RPRD2: variants seen among roughly 807,000 people sequenced by gnomAD.
RPRD2 encodes regulation of nuclear pre-mRNA domain containing 2, also known as regulation of nuclear pre-mRNA domain-containing protein 2.
A neutral mutation model predicts 104.4 loss-of-function variants in RPRD2; 12 were observed. That is an observed-to-expected ratio of 0.11 (90% CI 0.07 to 0.19). RPRD2 has a LOEUF of 0.19. RPRD2 is among the 10% of genes least tolerant of loss of function. RPRD2 has a pLI of 1.00. For synonymous variants in RPRD2, 714 were observed against 684.9 expected (o/e 1.04, Z -0.66); for missense variants, 1,543 against 1,790.1 (o/e 0.86, Z 2.49).
intron 2 of RPRD2, among the ~76,000 whole-genome samples, chr1:150,439,506 A>G (rs1216626495): frequency 6.6e-6 from 1 of 152,200 alleles, no homozygotes; most frequent in Non-Finnish European, 1.5e-5. Context: ...GTAAGGTTTA[A>G]TACAATTTTC....
chr1:150,429,803 A>G (rs1488665197), intron 2 of RPRD2, among the ~76,000 whole-genome samples: 1 of 152,218 alleles, frequency 6.6e-6, no homozygotes, highest in Non-Finnish European at 1.5e-5. Flanking sequence ...CAGAATAGTC[A>G]ACCATCTATT....
chr1:150,471,866 C>G lies in RPRD2; in HGVS notation c.2918C>G (p.Ser973Cys). The G allele has an allele frequency of 1.9e-6, 3 of 1,613,992 alleles. No individual in the cohort carries two copies. Among genetic ancestry groups the G allele is most frequent in the Non-Finnish European group, 2.5e-6 (3 of 1,179,890 alleles). Residue 973 changes from serine (S) to cysteine (C), a missense_variant, in exon 11 of 11, where the codon TCC becomes TGC. By Grantham distance (112) the Ser-to-Cys change is moderately radical. This residue lies in a region of RPRD2 where 880 missense variants were observed against 885.6 expected (regional missense o/e 0.99). Coordinates refer to ENST00000369068, the MANE Select transcript of RPRD2 (RefSeq NM_015203.5). The surrounding 1 kb of genome is among the most constrained non-coding windows in gnomAD (Gnocchi z 5.3). ...PDSPHPVPHR[S>C]LFSPQNTLAA... ...TCTCCTCACCCAGTCCCACATCGTT[C>G]CCTTTTCTCTCCGCAGAACACCCTT...
In RPRD2 at chr1:150,473,313, A is replaced by G. The variant is rs370331410; in HGVS notation, c.4365A>G (p.Pro1455=). 15 of 1,611,936 alleles carry G rather than the reference A, an allele frequency of 9.3e-6. No individual in the cohort carries two copies. Among genetic ancestry groups the G allele is most frequent in the Non-Finnish European group, 1.3e-5 (15 of 1,179,036 alleles). ...RGPPFFAPKR[P]FFPPRY ...CTCCGTTCTTTGCACCAAAACGCCCATTCTTCCCTCCCAGGTACTGATGGA... is the reference window on the plus strand; with the variant it reads ...CTCCGTTCTTTGCACCAAAACGCCCGTTCTTCCCTCCCAGGTACTGATGGA... Residue 1455 remains proline (P), a synonymous_variant, in exon 11 of 11, where the codon CCA becomes CCG. Coordinates refer to ENST00000369068, the MANE Select transcript of RPRD2 (RefSeq NM_015203.5).
At chr1:150,382,681 A>G (rs925338237) in intron 1 of RPRD2, among the ~76,000 whole-genome samples, 1 of 151,984 alleles carries the variant, frequency 6.6e-6, no homozygotes, top group Non-Finnish European at 1.5e-5. Flanking sequence ...GCTAATATAA[A>G]TGCATCTTGT....
Position 150,457,290 on chromosome 1 carries a change from A to G in RPRD2, c.873A>G (p.Ala291=). The stretch of plus-strand genomic sequence containing the variant: ...TAAACTCCTTTTTTCTCTTTTAGGC[A>G]TATAAAACCTTTGCTAACCGAGTAA... ...QYKEVKVVAN[A]YKTFANRVNN... is the part of the protein sequence containing the mutation. Residue 291 remains alanine, a splice_region_variant and synonymous_variant, in exon 8 of 11, where the codon GCA becomes GCG. Coordinates refer to ENST00000369068, the MANE Select transcript of RPRD2 (RefSeq NM_015203.5). 3 of 1,610,786 alleles carry G rather than the reference A, an allele frequency of 1.9e-6. No homozygotes were observed. Among genetic ancestry groups the G allele is most frequent in the Non-Finnish European group, 2.5e-6 (3 of 1,177,482 alleles).
intron 7 of RPRD2, among the ~76,000 whole-genome samples, chr1:150,448,141 C>T (rs977782254): frequency 3.2e-4 from 49 of 152,118 alleles, no homozygotes; most frequent in African/African-American, 1.2e-3. Flanking sequence ...AATTTTCCAG[C>T]TTCAATCAAC....
chr1:150,387,674 C>T (rs767543479), intron 1 of RPRD2, among the ~76,000 whole-genome samples: 70 of 135,356 alleles, frequency 5.2e-4, no homozygotes, highest in Non-Finnish European at 8.4e-4. Flanking sequence ...TCACTGCAAC[C>T]TCTGCCTCCT....
At position 150,471,093 on chromosome 1, in the gene RPRD2, C is replaced by T. The variant is rs1295785734; in HGVS notation, c.2145C>T (p.Thr715=). Residue 715 remains threonine (T), a synonymous_variant, in exon 11 of 11, where the codon ACC becomes ACT. Coordinates refer to ENST00000369068, the MANE Select transcript of RPRD2 (RefSeq NM_015203.5). This position sits in a 1 kb window ranked among gnomAD's most constrained non-coding sequence, Gnocchi z 5.3. The part of the protein sequence containing the change: ...PSDFQRGPTS[T]SIDNIDGTPV... ...ACTTCCAGCGTGGCCCTACTAGCAC[C>T]TCAATCGACAACATTGATGGAACCC... The T allele has an allele frequency of 6.2e-6, 10 of 1,613,880 alleles. No homozygotes were observed. Among genetic ancestry groups the T allele is most frequent in the Non-Finnish European group, 8.5e-6 (10 of 1,179,890 alleles).
intron 1 of RPRD2, among the ~76,000 whole-genome samples, chr1:150,403,245 G>GT (rs1293478802): frequency 1.3e-5 from 2 of 151,944 alleles, no homozygotes; most frequent in Non-Finnish European, 2.9e-5. Context: ...TATATTATCA[G>GT]TTTTTTTAAA....
chr1:150,454,634 G>A (rs1467954359), intron 7 of RPRD2, among the ~76,000 whole-genome samples: 1 of 152,004 alleles, frequency 6.6e-6, no homozygotes, highest in Non-Finnish European at 1.5e-5. Context: ...GATCACCTGA[G>A]GTCAGGAGTT....
rs1312709468 is a variant in RPRD2 at position 150,411,470 on chromosome 1, C to CA, written c.206-6116dup. 1.6e-3 allele frequency among the ~76,000 whole-genome samples: 146 copies of CA among 88,608 alleles called. 13 individuals are homozygous for CA. Among genetic ancestry groups the CA allele is most frequent in the African/African-American group, 4.2e-3 (81 of 19,252 alleles). 58.1% of individuals were successfully genotyped at this position (88,608 alleles called of 152,430 possible). A position where few individuals can be genotyped will look rare whatever the true frequency, so the allele number is the denominator to read the frequency against. On this transcript the variant is annotated intron_variant, in intron 1 of 10. Coordinates refer to ENST00000369068, the MANE Select transcript of RPRD2 (RefSeq NM_015203.5). ...AGCTAGACTGTCTCAAAAAAAAAAA[C>CA]AAAAAAAAAACGAAACAAACAAAAG...
At chr1:150,376,124 T>C (rs1660666724) in intron 1 of RPRD2, among the ~76,000 whole-genome samples, 2 of 152,364 alleles carry the variant, frequency 1.3e-5, no homozygotes, top group South Asian at 2.1e-4. Context: ...TTCATTCTTA[T>C]TCTCTTGTTT....
chr1:150,461,483 T>A (rs1553898823), intron 9 of RPRD2, among the ~76,000 whole-genome samples: 1 of 152,244 alleles, frequency 6.6e-6, no homozygotes, highest in East Asian at 1.9e-4. Context: ...TTTTAATAGC[T>A]GCATAGCATG....
In RPRD2 at chr1:150,472,392, G is replaced by C. The variant is rs377151090; in HGVS notation, c.3444G>C (p.Leu1148Phe). The part of the protein sequence containing the change: ...FDNGPSSASE[L>F]ASLGGGGSGG... Reference sequence around the variant, plus strand: ...ATGGCCCTTCAAGTGCCTCTGAGTTGGCATCCCTTGGGGGTGGGGGCAGCG... The same window carrying C: ...ATGGCCCTTCAAGTGCCTCTGAGTTCGCATCCCTTGGGGGTGGGGGCAGCG... The change falls in exon 11 of 11, where the codon TTG becomes TTC. Residue 1148 changes from leucine (L) to phenylalanine (F), a missense_variant. Around this residue, in one of 4 missense-constraint regions of RPRD2, gnomAD observed 880 missense variants for 885.6 expected, o/e 0.99. Coordinates refer to ENST00000369068, the MANE Select transcript of RPRD2 (RefSeq NM_015203.5). The C allele has an allele frequency of 5.0e-6, 8 of 1,613,832 alleles. No individual in the cohort carries two copies. The highest frequency in any genetic ancestry group is 6.8e-6 in the Non-Finnish European group (8 of 1,179,890).
At chr1:150,460,865 A>G (rs940852448) in intron 9 of RPRD2, among the ~76,000 whole-genome samples, 20 of 150,562 alleles carry the variant, frequency 1.3e-4, no homozygotes, top group Admixed American at 2.7e-4. Flanking sequence ...AGCTGGGACT[A>G]CAGGCATGTG....
At chr1:150,424,005 T>G (rs1572444652) in intron 2 of RPRD2, among the ~76,000 whole-genome samples, 1 of 152,042 alleles carries the variant, frequency 6.6e-6, no homozygotes, top group African/African-American at 2.4e-5. Context: ...TTGGTCAGTC[T>G]GATCTCAAAC....
At chr1:150,393,554 A>G (rs1252790166) in intron 1 of RPRD2, among the ~76,000 whole-genome samples, 2 of 151,924 alleles carry the variant, frequency 1.3e-5, no homozygotes, top group Non-Finnish European at 2.9e-5. Flanking sequence ...GTATCACCCC[A>G]TAGATTATGA....
chr1:150,379,078 C>G (rs1660930948), intron 1 of RPRD2, among the ~76,000 whole-genome samples: 1 of 145,902 alleles, frequency 6.9e-6, no homozygotes. Context: ...GTGAGGAGTT[C>G]AAGACCAGCC....
At chr1:150,456,782 G>C (rs1353149556) in intron 7 of RPRD2, among the ~76,000 whole-genome samples, 1 of 145,566 alleles carries the variant, frequency 6.9e-6, no homozygotes, top group Non-Finnish European at 1.5e-5. Flanking sequence ...AAAATTAGCC[G>C]GGTGTGGTGG....
Sources: gnomAD v4.1 joint callset for allele counts (sites outside exome capture counted in the v4.1 genomes callset) on GRCh38, gnomAD v4.1.1 for gene constraint, gnomAD v4.1.1 regional missense constraint, Gnocchi (gnomAD v3.1) non-coding constraint, MANE v1.5 for transcripts, NCBI Gene and HGNC (gene_info 2026-07-23, HGNC 2026-07-21) for gene names.